Variants in SUPT3H observed in about 807,000 individuals in gnomAD.
SUPT3H encodes the protein SPT3 homolog, SAGA and STAGA complex component.
In SUPT3H, 44 loss-of-function variants were observed where a neutral mutation model predicts 44.3. The ratio of observed to expected loss-of-function variants is 0.99; its 90% CI spans 0.78 to 1.28. The LOEUF is 1.28. Ranked by LOEUF, SUPT3H falls within the 50% of genes most tolerant of loss-of-function variation. The pLI is 0.00. For missense variants in SUPT3H, 380 were observed against 387.1 expected, an observed-to-expected ratio of 0.98 and a Z score of 0.15; for synonymous variants, 124 against 125.6, an observed-to-expected ratio of 0.99 and a Z score of 0.09.
chr6:45,311,633 A>G (rs1469145339), intron 2 of SUPT3H, among the ~76,000 whole-genome samples: 1 of 152,212 alleles, frequency 6.6e-6, no homozygotes, highest in East Asian at 1.9e-4. Context: ...AAACCCTACA[A>G]GCTAGAAGGG....
intron 2 of SUPT3H, among the ~76,000 whole-genome samples, chr6:45,269,045 C>G (rs1374656783): frequency 1.3e-5 from 2 of 151,932 alleles, no homozygotes; most frequent in Non-Finnish European, 2.9e-5. Flanking sequence ...ACCTAGAAAG[C>G]CAAATAAGTA....
chr6:44,863,550 A>G (rs1217118874), intron 10 of SUPT3H, among the ~76,000 whole-genome samples: 1 of 152,152 alleles, frequency 6.6e-6, no homozygotes, highest in Non-Finnish European at 1.5e-5. Context: ...GTGAAAGTGG[A>G]AAGACGTTGG....
chr6:45,256,968 T>C (rs1773514561), intron 2 of SUPT3H, among the ~76,000 whole-genome samples: 1 of 152,204 alleles, frequency 6.6e-6, no homozygotes, highest in Non-Finnish European at 1.5e-5. Context: ...GTAGAATTGC[T>C]AGGTCATGTC....
chr6:45,359,174 T>C (rs908897038), intron 2 of SUPT3H, among the ~76,000 whole-genome samples: 2 of 152,184 alleles, frequency 1.3e-5, no homozygotes, highest in African/African-American at 4.8e-5. Flanking sequence ...AAATCAATTA[T>C]TTTATGTAGC....
intron 9 of SUPT3H, among the ~76,000 whole-genome samples, chr6:44,938,151 C>A (rs927042174): frequency 1.4e-4 from 21 of 151,732 alleles, no homozygotes; most frequent in African/African-American, 4.8e-4. Flanking sequence ...TTCACCTAGA[C>A]CAATGTCCAG....
intron 3 of SUPT3H, among the ~76,000 whole-genome samples, chr6:45,062,117 C>T (rs1021560390): frequency 6.6e-6 from 1 of 151,722 alleles, no homozygotes; most frequent in African/African-American, 2.4e-5. Flanking sequence ...CTAGTATTTA[C>T]ACTGGCGTCT....
chr6:44,865,516 C>G (rs1039304475), intron 10 of SUPT3H, among the ~76,000 whole-genome samples: 1 of 152,166 alleles, frequency 6.6e-6, no homozygotes, highest in African/African-American at 2.4e-5. Flanking sequence ...GGAGGCCTCA[C>G]AAGCATGGCA....
intron 2 of SUPT3H, among the ~76,000 whole-genome samples, chr6:45,334,108 C>T (rs778717169): frequency 6.6e-6 from 1 of 151,132 alleles, no homozygotes; most frequent in Non-Finnish European, 1.5e-5. Flanking sequence ...ATTCCTATTG[C>T]CAATTCTCTT....
At chr6:44,997,539 GA>G (rs1781427360) in intron 6 of SUPT3H, among the ~76,000 whole-genome samples, 1 of 151,760 alleles carries the variant, frequency 6.6e-6, no homozygotes, top group South Asian at 2.1e-4. Context: ...CTGACTTAAT[GA>G]AGACTTTTAC....
At chr6:45,026,095 G>A (rs774655988) in intron 3 of SUPT3H, among the ~76,000 whole-genome samples, 2 of 152,054 alleles carry the variant, frequency 1.3e-5, no homozygotes, top group Non-Finnish European at 2.9e-5. Flanking sequence ...TAAGGTTATC[G>A]CCTGGCTTAA....
At chr6:45,177,920 C>T (rs376164539) in intron 2 of SUPT3H, among the ~76,000 whole-genome samples, 24,049 of 151,678 alleles carry the variant, frequency 0.16, 2,074 homozygotes, top group African/African-American at 0.23. Flanking sequence ...CTGAAGGAAG[C>T]GCTAAACATG....
intron 10 of SUPT3H, among the ~76,000 whole-genome samples, chr6:44,919,078 A>G (rs1211672571): frequency 6.6e-6 from 1 of 152,198 alleles, no homozygotes; most frequent in African/African-American, 2.4e-5. Context: ...TAAATTGTAC[A>G]AAAAGTGCTA....
At chr6:45,132,158 A>G (rs994114556) in intron 2 of SUPT3H, among the ~76,000 whole-genome samples, 10 of 152,196 alleles carry the variant, frequency 6.6e-5, no homozygotes, top group African/African-American at 2.2e-4. Context: ...TAAACTGCAA[A>G]TAAGAGGAGG....
intron 2 of SUPT3H, among the ~76,000 whole-genome samples, chr6:45,332,532 G>A (rs2150088231): frequency 1.3e-5 from 2 of 151,720 alleles, no homozygotes; most frequent in South Asian, 4.2e-4. Context: ...CTTCCATACT[G>A]TTCTAACCTT....
chr6:45,371,069 C>A (rs1362821069), intron 1 of SUPT3H, among the ~76,000 whole-genome samples: 3 of 152,092 alleles, frequency 2.0e-5, no homozygotes, highest in Non-Finnish European at 4.4e-5. Flanking sequence ...TAAAGAGTTA[C>A]TTAATGGTTA....
At chr6:45,076,267 C>CT (rs925387172) in intron 3 of SUPT3H, among the ~76,000 whole-genome samples, 5 of 152,062 alleles carry the variant, frequency 3.3e-5, no homozygotes, top group African/African-American at 1.2e-4. Flanking sequence ...GAAAGATTTA[C>CT]TTTTTTAGAA....
At chr6:45,176,525 C>A (rs1185646701) in intron 2 of SUPT3H, among the ~76,000 whole-genome samples, 174 of 142,736 alleles carry the variant, frequency 1.2e-3, no homozygotes, top group Non-Finnish European at 1.4e-3. Context: ...CCCAGGCTTG[C>A]TTAGGTAAAC....
intron 2 of SUPT3H, among the ~76,000 whole-genome samples, chr6:45,228,845 G>C (rs1451269267): frequency 6.6e-6 from 1 of 152,020 alleles, no homozygotes. Context: ...TCACAATGTT[G>C]GTCAGGCTGG....
chr6:45,131,060 C>G (rs1803399463), intron 2 of SUPT3H, among the ~76,000 whole-genome samples: 1 of 152,028 alleles, frequency 6.6e-6, no homozygotes, highest in South Asian at 2.1e-4. Context: ...GACTAGGACT[C>G]AAGGATCTGA....
Sources: gnomAD v4.1 joint callset for allele counts (sites outside exome capture counted in the v4.1 genomes callset) on GRCh38, gnomAD v4.1.1 for gene constraint, MANE v1.5 for transcripts, NCBI Gene and HGNC (gene_info 2026-07-23, HGNC 2026-07-21) for gene names.